CIMAP1C: variants seen among roughly 807,000 people sequenced by gnomAD.
CIMAP1C encodes the protein outer dense fiber of sperm tails 3 like 1.
the CIMAP1C span, among the ~76,000 whole-genome samples, chr15:75,725,682 T>C: frequency 6.6e-5 from 10 of 152,172 alleles, no homozygotes; most frequent in East Asian, 1.9e-3. Flanking sequence ...GGGTCTGAGA[T>C]CTGGGGTGCC....
the CIMAP1C span, chr15:75,727,675 T>C: frequency 2.2e-6 from 2 of 891,956 alleles, no homozygotes; most frequent in Non-Finnish European, 3.4e-6. Context: ...ACATTAGAGA[T>C]ACATTTTCAT....
the CIMAP1C span, chr15:75,725,058 C>A: frequency 7.7e-7 from 1 of 1,296,682 alleles, no homozygotes; most frequent in Non-Finnish European, 1.1e-6. Context: ...GCTTCCCCTG[C>A]CTCTGACCTG....
the CIMAP1C span, chr15:75,726,212 T>TGGGGGGGTG: frequency 2.0e-6 from 1 of 495,128 alleles, no homozygotes. Flanking sequence ...GTTGGGAGGT[T>TGGGGGGGTG]GGGGGGTGGG....
the CIMAP1C span, chr15:75,726,992 T>C: frequency 2.6e-4 from 400 of 1,552,106 alleles, no homozygotes; most frequent in Non-Finnish European, 3.2e-4. Flanking sequence ...GGACCATCAG[T>C]TGGCTAGCAG....
the CIMAP1C span, chr15:75,726,208 A>C: frequency 5.1e-5 from 27 of 532,826 alleles, no homozygotes; most frequent in Non-Finnish European, 8.5e-5. Context: ...GGGGGTTGGG[A>C]GGTTGGGGGG....
chr15:75,725,917 C>T, the CIMAP1C span: 30 of 613,020 alleles, frequency 4.9e-5, no homozygotes, highest in African/African-American at 3.9e-4. Context: ...TCCCATTTTA[C>T]AGATGAGGAA....
chr15:75,726,064 TG>T, the CIMAP1C span: 1 of 1,611,902 alleles, frequency 6.2e-7, no homozygotes, highest in Non-Finnish European at 8.5e-7. Context: ...GCAGGGATGG[TG>T]TGCCACAGCA....
At chr15:75,726,192 G>T in the CIMAP1C span, 53 of 1,177,038 alleles carry the variant, frequency 4.5e-5, no homozygotes, top group Non-Finnish European at 5.9e-5. Flanking sequence ...GTTATGGACA[G>T]ATGTTGGGGG....
the CIMAP1C span, chr15:75,725,039 T>C: frequency 3.0e-6 from 3 of 997,440 alleles, no homozygotes; most frequent in Non-Finnish European, 4.8e-6. Context: ...CATGGTGCGC[T>C]GTACTGGGGC....
chr15:75,726,025 G>A, the CIMAP1C span: 2 of 1,488,914 alleles, frequency 1.3e-6, no homozygotes, highest in Non-Finnish European at 1.9e-6. Context: ...AGCCTTTGGG[G>A]CTGACCAGGC....
chr15:75,727,192 C>T, the CIMAP1C span: 1 of 1,614,146 alleles, frequency 6.2e-7, no homozygotes, highest in Non-Finnish European at 8.5e-7. Flanking sequence ...CGGCTCCCAA[C>T]CAGTACCAGA....
the CIMAP1C span, among the ~76,000 whole-genome samples, chr15:75,726,546 A>G: frequency 6.6e-6 from 1 of 152,132 alleles, no homozygotes; most frequent in Non-Finnish European, 1.5e-5. Context: ...TGATGACATT[A>G]TGGTTTTTTA....
chr15:75,725,031 T>A, the CIMAP1C span: 1 of 902,076 alleles, frequency 1.1e-6, no homozygotes, highest in South Asian at 1.3e-5. Context: ...AATGTTCCCA[T>A]GGTGCGCTGT....
At chr15:75,727,393 C>T in the CIMAP1C span, 349 of 1,614,084 alleles carry the variant, frequency 2.2e-4, no homozygotes, top group Non-Finnish European at 2.8e-4. Flanking sequence ...AGCGCTTCGC[C>T]TACCCTCTGG....
chr15:75,724,293 C>T, the CIMAP1C span: 2 of 1,613,688 alleles, frequency 1.2e-6, no homozygotes, highest in Non-Finnish European at 1.7e-6. Flanking sequence ...CAAGCAGACC[C>T]CTGTCATCAT....
At chr15:75,724,982 G>T in the CIMAP1C span, 81 of 636,562 alleles carry the variant, frequency 1.3e-4, no homozygotes, top group Middle Eastern at 2.9e-4. Context: ...TGGATGCTGG[G>T]CTCGTGGCAG....
At chr15:75,725,797 C>T in the CIMAP1C span, among the ~76,000 whole-genome samples, 2 of 152,316 alleles carry the variant, frequency 1.3e-5, no homozygotes, top group Admixed American at 6.5e-5. Context: ...TATTACTCCC[C>T]GTTGGCCCCA....
chr15:75,727,515 C>A, the CIMAP1C span: 1 of 1,596,496 alleles, frequency 6.3e-7, no homozygotes, highest in South Asian at 1.1e-5. Context: ...CACCTGTGCC[C>A]ACTGGTCATC....
At chr15:75,725,256 A>G in the CIMAP1C span, 2 of 1,468,452 alleles carry the variant, frequency 1.4e-6, no homozygotes, top group Non-Finnish European at 1.9e-6. Flanking sequence ...CTGGGGTTGG[A>G]GCTGTTGTTG....
Sources: gnomAD v4.1 joint callset for allele counts (sites outside exome capture counted in the v4.1 genomes callset) on GRCh38, gnomAD v4.1.1 for gene constraint, MANE v1.5 for transcripts, NCBI Gene and HGNC (gene_info 2026-07-23, HGNC 2026-07-21) for gene names.